The following MYH14 variants were observed in gnomAD, a reference collection of about 807,000 sequenced individuals.
MYH14 encodes myosin heavy chain 14.
In MYH14, 123 loss-of-function variants were observed where a neutral mutation model predicts 255.5. That is an observed-to-expected ratio of 0.48 (90% CI 0.42 to 0.56). The LOEUF is 0.56. MYH14 is among the 20% of genes least tolerant of loss of function. The probability of loss-of-function intolerance (pLI) is 0.00; values close to 1 mark genes in which losing one functional copy is unlikely to be tolerated. For missense variants in MYH14, 2,423 were observed against 2,802.3 expected, an observed-to-expected ratio of 0.86 and a Z score of 3.06; for synonymous variants, 1,095 against 1,161.2, an observed-to-expected ratio of 0.94 and a Z score of 1.16.
intron 39 of MYH14, among the ~76,000 whole-genome samples, chr19:50,295,022 T>C (rs367687459): frequency 9.0e-5 from 2 of 22,196 alleles, no homozygotes; most frequent in African/African-American, 1.3e-4. Flanking sequence ...TTTTTTTTTT[T>C]TTTTAAAAAC....
rs2035161795 is a variant in MYH14, at chr19:50,268,200, G to A, written c.2866G>A (p.Ala956Thr). 1.3e-6 allele frequency: 2 copies of A among 1,554,786 alleles called. No homozygotes were observed. The highest frequency in any genetic ancestry group is 2.4e-5 in the South Asian group (2 of 84,248). Residue 956 changes from alanine (A) to threonine (T), a missense_variant, in exon 24 of 43, where the codon GCA becomes ACA. Ala to Thr is a moderately conservative substitution (Grantham distance 58). Coordinates refer to ENST00000642316, the MANE Select transcript of MYH14 (RefSeq NM_001145809.2). ...ERARLAEQLRAEAELCAEAEE... is the reference protein window; with the variant it reads ...ERARLAEQLRTEAELCAEAEE... ...CGCCCGCCTGGCAGAGCAATTGCGA[G>A]CAGAGGCAGAACTGTGTGCAGAGGC...
intron 10 of MYH14, among the ~76,000 whole-genome samples, chr19:50,234,317 T>C (rs566961271): frequency 1.3e-5 from 2 of 152,310 alleles, no homozygotes; most frequent in Non-Finnish European, 2.9e-5. Flanking sequence ...AATGTTTCAT[T>C]GTTTGCGTGA....
In MYH14 at chr19:50,255,364, G is replaced by A. The variant is rs547243941; in HGVS notation, c.2044+46G>A. 6 of 1,445,098 alleles carry A rather than the reference G, an allele frequency of 4.2e-6. No homozygotes were observed. The African/African-American group carries it at 7.1e-5, about 17-fold the overall frequency. The allele number at this position is 1,445,098 out of a possible 1,614,324, so 89.5% of individuals were successfully genotyped here. A position where few individuals can be genotyped will look rare whatever the true frequency, so the allele number is the denominator to read the frequency against. Reference sequence around the variant, plus strand: ...ATGGGTGAGGCTTGCTGGAGGAGGAGGGTGGACCTGTTGGGCTGGGGACCT... The same window carrying A: ...ATGGGTGAGGCTTGCTGGAGGAGGAAGGTGGACCTGTTGGGCTGGGGACCT... On this transcript the variant is annotated intron_variant, in intron 17 of 42. Transcript: ENST00000642316.
Position 50,293,547 on chromosome 19 carries a change from C to G in MYH14, c.5346-17C>G. On this transcript the variant is annotated splice_polypyrimidine_tract_variant and intron_variant, in intron 38 of 42. Coordinates refer to ENST00000642316, the MANE Select transcript of MYH14 (RefSeq NM_001145809.2). The surrounding 1 kb of genome is among the most constrained non-coding windows in gnomAD (Gnocchi z 4.1). ...ACCATCCTGTCCTTTCATCCCCACG[C>G]CTTCCTGTCTCCCTAGGGCAGCCAT... 1 of 1,612,156 alleles carries G rather than the reference C, an allele frequency of 6.2e-7. No homozygotes were observed.
intron 3 of MYH14, among the ~76,000 whole-genome samples, chr19:50,219,788 C>G (rs1378489772): frequency 6.6e-6 from 1 of 150,788 alleles, no homozygotes; most frequent in Non-Finnish European, 1.5e-5. Flanking sequence ...TGATTAACAT[C>G]TATTATAGAT....
In MYH14 at chr19:50,268,065, T is replaced by C. The variant is rs8112720; in HGVS notation, c.2827-96T>C. 1,069,650 of 1,463,182 alleles carry C rather than the reference T, an allele frequency of 0.73. 394,749 individuals carry two copies. Among genetic ancestry groups the C allele is most frequent in the Admixed American group, 0.81 (37,580 of 46,296 alleles). The allele number at this position is 1,463,182 out of a possible 1,614,324, so 90.6% of individuals were successfully genotyped here. A position where few individuals can be genotyped will look rare whatever the true frequency, so the allele number is the denominator to read the frequency against. On this transcript the variant is annotated intron_variant, in intron 23 of 42. Transcript: ENST00000642316. ...GCCCCTCAGTCCTGCCCTGGAGAAC[T>C]TAAAGGCCAAAGCAAGTTACAAGGC...
In MYH14 at chr19:50,286,836, A is replaced by C. The variant is rs1031567521; in HGVS notation, c.4752+142A>C. 1.5e-5 allele frequency: 13 copies of C among 882,006 alleles called. No individual in the cohort carries two copies. The South Asian group carries it at 1.5e-4, about 10-fold the overall frequency. 54.6% of individuals were successfully genotyped at this position (882,006 alleles called of 1,614,324 possible). A position where few individuals can be genotyped will look rare whatever the true frequency, so the allele number is the denominator to read the frequency against. ...CACAAAGAGAACAAGAGGGCTGGGC[A>C]TGGTGGCTCACTCCTATAATCCCAG... On this transcript the variant is annotated intron_variant, in intron 34 of 42. Coordinates refer to ENST00000642316, the MANE Select transcript of MYH14 (RefSeq NM_001145809.2).
chr19:50,233,066 C>T (rs941329610), intron 10 of MYH14, among the ~76,000 whole-genome samples: 8 of 152,084 alleles, frequency 5.3e-5, no homozygotes, highest in African/African-American at 9.7e-5. Flanking sequence ...AGGCTCAGGA[C>T]GCTGTCCCAG....
At chr19:50,255,160 C>A in intron 16 of MYH14, 60 bp from the exon 17 acceptor site, 1 of 1,105,444 alleles carries the variant, frequency 9.0e-7, no homozygotes, top group Non-Finnish European at 1.3e-6. Context: ...ATGCATCTCT[C>A]TCCGCCATCT....
intron 36 of MYH14, among the ~76,000 whole-genome samples, chr19:50,291,379 G>A (rs1369869774): frequency 6.6e-6 from 1 of 151,364 alleles, no homozygotes; most frequent in East Asian, 2.0e-4. Context: ...TCAGCTCACA[G>A]CAACTCTGCC....
intron 19 of MYH14, 115 bp downstream of exon 19, chr19:50,259,380 A>G: frequency 7.4e-7 from 1 of 1,359,624 alleles, no homozygotes; most frequent in Non-Finnish European, 1.0e-6. Flanking sequence ...GCGCTGGGGA[A>G]GTTGAGGCAG....
chr19:50,235,007 C>A (rs1000541902), intron 10 of MYH14, among the ~76,000 whole-genome samples: 4 of 152,118 alleles, frequency 2.6e-5, no homozygotes, highest in Admixed American at 2.0e-4. Flanking sequence ...CATTCTCTAA[C>A]CCCACAGCTG....
chr19:50,208,420 AC>A, intron 1 of MYH14, among the ~76,000 whole-genome samples: 1 of 93,676 alleles, frequency 1.1e-5, no homozygotes, highest in African/African-American at 3.4e-5. Context: ...GTCTCAAAAA[AC>A]AAAAACAAAC....
At chr19:50,244,629 G>A (rs1328849039) in intron 11 of MYH14, among the ~76,000 whole-genome samples, 5 of 151,782 alleles carry the variant, frequency 3.3e-5, no homozygotes, top group East Asian at 1.9e-4. Flanking sequence ...GACTACAGGC[G>A]CCCGCCACCA....
intron 41 of MYH14, among the ~76,000 whole-genome samples, chr19:50,307,982 G>A (rs1387360340): frequency 1.3e-5 from 2 of 152,218 alleles, no homozygotes; most frequent in Non-Finnish European, 2.9e-5. Context: ...CCCTCATGGA[G>A]CTCACATTTT....
rs2123283073 is a variant in MYH14 at position 50,244,285 on chromosome 19, T to C, written c.1158T>C (p.Ile386=). The change falls in exon 11 of 43, where the codon ATT becomes ATC. Residue 386 remains isoleucine (I), a synonymous_variant. Transcript: ENST00000642316. The stretch of plus-strand genomic sequence containing the variant: ...CAGCAGTTCTCCAGTTTGGCAACAT[T>C]GCCTTGAAGAGAGAACGGAACACCG... ...MVSAVLQFGN[I]ALKRERNTDQ... 1 of 1,613,840 alleles carries C rather than the reference T, an allele frequency of 6.2e-7. No individual in the cohort carries two copies. The highest frequency in any genetic ancestry group is 8.5e-7 in the Non-Finnish European group (1 of 1,179,866).
chr19:50,261,117 T>C, intron 20 of MYH14, among the ~76,000 whole-genome samples: 1 of 65,540 alleles, frequency 1.5e-5, no homozygotes, highest in Non-Finnish European at 3.0e-5. Context: ...CTCCTCCACA[T>C]CACCCCCTCC....
intron 39 of MYH14, among the ~76,000 whole-genome samples, chr19:50,298,907 C>T (rs760946343): frequency 1.1e-4 from 16 of 152,050 alleles, no homozygotes; most frequent in Admixed American, 3.9e-4. Flanking sequence ...CAAAGTGAGA[C>T]CCTGTCCCTA....
intron 40 of MYH14, among the ~76,000 whole-genome samples, chr19:50,302,541 C>T (rs2123481382): frequency 1.3e-5 from 2 of 150,240 alleles, no homozygotes; most frequent in Middle Eastern, 3.5e-3. Flanking sequence ...CGAGATTGCG[C>T]CACTGCCCTC....
Sources: allele counts gnomAD v4.1 joint callset (sites outside exome capture counted in the v4.1 genomes callset), GRCh38; gene constraint gnomAD v4.1.1; non-coding constraint Gnocchi (gnomAD v3.1); transcripts MANE v1.5; gene names NCBI Gene and HGNC (gene_info 2026-07-23, HGNC 2026-07-21).